The following LRRC71 variants were observed in gnomAD, a reference collection of about 807,000 sequenced individuals.
The protein encoded by LRRC71 is leucine rich repeat containing 71.
LRRC71 carries 54 observed loss-of-function variants against 66.6 expected under a neutral mutation model. That is an observed-to-expected ratio of 0.81 (90% confidence interval 0.65 to 1.02). The LOEUF (loss-of-function observed/expected upper bound fraction) is 1.02. LRRC71 is among the 50% of genes least tolerant of loss of function. The pLI is 0.00. For synonymous variants in LRRC71, 323 were observed against 303.9 expected (o/e 1.06, Z -0.65); for missense variants, 724 against 718.0 (o/e 1.01, Z -0.10).
the LRRC71 span, among the ~76,000 whole-genome samples, chr1:156,940,634 T>A: frequency 1.3e-5 from 2 of 152,204 alleles, no homozygotes; most frequent in Admixed American, 1.3e-4. Flanking sequence ...TGAGCTTACA[T>A]TCTAGGGGAG....
chr1:156,930,273 A>G (rs964952832), intron 11 of LRRC71, among the ~76,000 whole-genome samples: 10 of 151,272 alleles, frequency 6.6e-5, no homozygotes, highest in African/African-American at 2.2e-4. Flanking sequence ...TTGTATTTTT[A>G]GTAGAGATGG....
downstream of LRRC71, chr1:156,937,074 G>C: frequency 6.3e-7 from 1 of 1,582,118 alleles, no homozygotes; most frequent in Non-Finnish European, 8.6e-7. Context: ...GAAGGGGTCT[G>C]TGCTGGGCCT....
chr1:156,926,854 G>A (rs1653285126), intron 5 of LRRC71, among the ~76,000 whole-genome samples: 1 of 152,180 alleles, frequency 6.6e-6, no homozygotes, highest in African/African-American at 2.4e-5. Flanking sequence ...GGGATTACAG[G>A]CGTGAGCCAC....
intron 1 of LRRC71, among the ~76,000 whole-genome samples, chr1:156,921,966 G>A (rs566922403): frequency 6.6e-6 from 1 of 152,276 alleles, no homozygotes; most frequent in East Asian, 1.9e-4. Context: ...GGTAGGGAGT[G>A]AGTGACAGAG....
At chr1:156,936,495 AAAATATATATATATATATAT>A (rs1306097093), downstream of LRRC71, among the ~76,000 whole-genome samples, 1 of 57,094 alleles carries the variant, frequency 1.8e-5, no homozygotes, top group Non-Finnish European at 3.0e-5. Flanking sequence ...AAAAAAAAAA[AAAATATATATATATATATAT>A]ATATATATAT....
At position 156,933,069 on chromosome 1, in the gene LRRC71, A is replaced by C; in HGVS notation, c.*100A>C. On this transcript the variant is annotated 3_prime_UTR_variant, in exon 15 of 15. Coordinates refer to ENST00000337428, the MANE Select transcript of LRRC71 (RefSeq NM_144702.3). ...TGGGGGAGATCTCAGACCAATAACA[A>C]AGTCTGTTGCTATACTTTTCCTTGA... is the stretch of plus-strand genomic sequence containing the variant. 1 of 780,114 alleles carries C rather than the reference A, an allele frequency of 1.3e-6. No homozygotes were observed. Among genetic ancestry groups the C allele is most frequent in the Non-Finnish European group, 2.1e-6 (1 of 482,964 alleles). 48.3% of individuals were successfully genotyped at this position (780,114 alleles called of 1,614,324 possible). A position where few individuals can be genotyped will look rare whatever the true frequency, so the allele number is the denominator to read the frequency against.
At chr1:156,929,753 G>T in intron 11 of LRRC71, 24 bp downstream of exon 11, 1 of 1,541,590 alleles carries the variant, frequency 6.5e-7, no homozygotes, top group South Asian at 1.2e-5. Context: ...CCCCTGGGTG[G>T]CATCTTCCTG....
At chr1:156,940,717 G>C in the LRRC71 span, among the ~76,000 whole-genome samples, 1 of 152,184 alleles carries the variant, frequency 6.6e-6, no homozygotes, top group Non-Finnish European at 1.5e-5. Context: ...CCGGAAAGAA[G>C]AAAACAACAA....
chr1:156,933,022 T>TAG lies in LRRC71; in HGVS notation c.*53_*54insAG. 1 of 1,383,368 alleles carries TAG rather than the reference T, an allele frequency of 7.2e-7. No homozygotes were observed. Among genetic ancestry groups the TAG allele is most frequent in the Non-Finnish European group, 1.0e-6 (1 of 999,036 alleles). 85.7% of individuals were successfully genotyped at this position (1,383,368 alleles called of 1,614,324 possible). On this transcript the variant is annotated 3_prime_UTR_variant, in exon 15 of 15. Transcript: ENST00000337428. ...CTCGGGGCTACAGAAGCACCTCCTG[T>TAG]CCCTGTGTGGGGTGACCTCCCTGGG...
rs966619688 is a variant in LRRC71 at position 156,921,000 on chromosome 1, G to A, written c.160+37G>A. ...CCGGGGTTTGGGGATCGGGCTTCCA[G>A]GCTGCGTCTTCCCGGGTTCCCACTA... On this transcript the variant is annotated intron_variant, in intron 1 of 14. Coordinates refer to ENST00000337428, the MANE Select transcript of LRRC71 (RefSeq NM_144702.3). This position sits in a 1 kb window ranked among gnomAD's most constrained non-coding sequence, Gnocchi z 4.9. 2.0e-5 allele frequency: 30 copies of A among 1,466,348 alleles called. No individual in the cohort carries two copies. Among genetic ancestry groups the A allele is most frequent in the Non-Finnish European group, 2.5e-5 (28 of 1,102,530 alleles). 90.8% of individuals were successfully genotyped at this position (1,466,348 alleles called of 1,614,324 possible).
chr1:156,939,184 G>T, the LRRC71 span: 1 of 296,930 alleles, frequency 3.4e-6, no homozygotes, highest in South Asian at 3.4e-5. Context: ...CTCCTGAGAA[G>T]AGTGGCTCTT....
chr1:156,921,573 G>C (rs1652372106), intron 1 of LRRC71: 2 of 934,666 alleles, frequency 2.1e-6, no homozygotes, highest in Non-Finnish European at 2.6e-6. Context: ...TGATCATCCA[G>C]CATTAGCCAG....
intron 10 of LRRC71, 61 bp downstream of exon 10, chr1:156,929,490 T>C: frequency 1.2e-6 from 2 of 1,604,500 alleles, no homozygotes; most frequent in South Asian, 1.1e-5. Context: ...GCTTCCATCA[T>C]GTACAGAGGT....
chr1:156,928,146 G>T, intron 9 of LRRC71, 142 bp downstream of exon 9: 1 of 853,856 alleles, frequency 1.2e-6, no homozygotes, highest in Admixed American at 2.5e-5. Context: ...TCCGATTTCT[G>T]CACAGACTTT....
downstream of LRRC71, among the ~76,000 whole-genome samples, chr1:156,933,898 G>T (rs1435141678): frequency 6.6e-6 from 1 of 152,158 alleles, no homozygotes; most frequent in East Asian, 1.9e-4. Flanking sequence ...TGCCTACCTA[G>T]AATTCCCTTG....
intron 14 of LRRC71, 108 bp from the exon 15 acceptor site, chr1:156,932,745 A>G: frequency 6.7e-7 from 1 of 1,485,058 alleles, no homozygotes; most frequent in Non-Finnish European, 9.3e-7. Context: ...CTTTTTCTGC[A>G]TGTCCCCCAG....
downstream of LRRC71, among the ~76,000 whole-genome samples, chr1:156,937,684 A>G (rs754742303): frequency 6.6e-6 from 1 of 152,164 alleles, no homozygotes; most frequent in Non-Finnish European, 1.5e-5. Flanking sequence ...GAGACCTTCT[A>G]GATGACACTT....
At chr1:156,937,542 T>C, downstream of LRRC71, 2 of 1,497,318 alleles carry the variant, frequency 1.3e-6, no homozygotes, top group Non-Finnish European at 1.8e-6. Flanking sequence ...AACAGAGAAG[T>C]CGAAGCTATC....
intron 1 of LRRC71, chr1:156,921,771 CT>C (rs1652432103): frequency 2.1e-6 from 1 of 480,894 alleles, no homozygotes; most frequent in African/African-American, 2.3e-5. Context: ...ACAGACATGG[CT>C]GCTGTATAGA....
Sources: allele counts gnomAD v4.1 joint callset (sites outside exome capture counted in the v4.1 genomes callset), GRCh38; gene constraint gnomAD v4.1.1; non-coding constraint Gnocchi (gnomAD v3.1); transcripts MANE v1.5; gene names NCBI Gene and HGNC (gene_info 2026-07-23, HGNC 2026-07-21).